Variants in NF1 observed in about 807,000 individuals in gnomAD.
NF1 encodes the protein neurofibromin.
A neutral mutation model predicts 325.7 loss-of-function variants in NF1; 122 were observed. That is an observed-to-expected ratio of 0.37 (90% CI 0.32 to 0.44). NF1 has a LOEUF of 0.44. Among genes scored for constraint, NF1 ranks in the 20% least tolerant of loss-of-function variants. The pLI is 1.00. For synonymous variants in NF1, 1,091 were observed against 1,186.0 expected (o/e 0.92, Z 1.65); for missense variants, 2,140 against 3,415.4 (o/e 0.63, Z 9.31).
Position 31,206,368 on chromosome 17 carries a change from A to G in NF1, c.1389A>G (p.Ala463=), listed in dbSNP as rs1131923. The G allele has an allele frequency of 1.9e-6, 3 of 1,613,644 alleles. No homozygotes were observed. The highest frequency in any genetic ancestry group is 3.3e-5 in the Admixed American group (2 of 60,014). Residue 463 remains alanine (A), a synonymous_variant, in exon 12 of 58, where the codon GCA becomes GCG. Coordinates refer to ENST00000358273, the MANE Select transcript of NF1 (RefSeq NM_001042492.3). The stretch of plus-strand genomic sequence containing the variant: ...GAGCACACCCAGCAATACGAATGGC[A>G]CCGGTAAGATAAATCACGAATTTTG... ...GCGAHPAIRM[A]PSLTFKEKVT...
intron 36 of NF1, among the ~76,000 whole-genome samples, chr17:31,283,467 T>C (rs1417435925): frequency 6.6e-6 from 1 of 151,694 alleles, no homozygotes; most frequent in Non-Finnish European, 1.5e-5. Context: ...TGTTTTTGTT[T>C]TTTTGGGACA....
At chr17:31,294,691 A>G in intron 36 of NF1, 2 of 377,088 alleles carry the variant, frequency 5.3e-6, no homozygotes, top group South Asian at 4.9e-5. Context: ...GACAGTGTAA[A>G]CATACATAAA....
intron 8 of NF1, among the ~76,000 whole-genome samples, chr17:31,195,043 A>G (rs1462053283): frequency 6.6e-6 from 1 of 152,176 alleles, no homozygotes; most frequent in African/African-American, 2.4e-5. Context: ...AATTTAAATA[A>G]TAGAAATTAT....
At position 31,156,840 on chromosome 17, in the gene NF1, C is replaced by T. The variant is rs17882423; in HGVS notation, c.204+714C>T. 9.4e-3 allele frequency among the ~76,000 whole-genome samples: 1,436 copies of T among 152,238 alleles called. 23 individuals are homozygous for T. Among genetic ancestry groups the T allele is most frequent in the African/African-American group, 0.033 (1,352 of 41,510 alleles). Reference sequence around the variant, plus strand: ...TTTTGTCTTTCTCAAGTGATCCCTTCCTCTCTCTAAATTCCTATTTAACAT... The same window carrying T: ...TTTTGTCTTTCTCAAGTGATCCCTTTCTCTCTCTAAATTCCTATTTAACAT... On this transcript the variant is annotated intron_variant, in intron 2 of 57. Transcript: ENST00000358273.
At chr17:31,107,027 T>A (rs1912918177) in intron 1 of NF1, among the ~76,000 whole-genome samples, 1 of 152,186 alleles carries the variant, frequency 6.6e-6, no homozygotes, top group African/African-American at 2.4e-5. Flanking sequence ...GATTCCTGGA[T>A]GTGGTTTTTT....
intron 23 of NF1, 134 bp downstream of exon 23, chr17:31,230,516 T>C: frequency 9.1e-7 from 1 of 1,103,518 alleles, no homozygotes; most frequent in Non-Finnish European, 1.3e-6. Context: ...TTTGTTTTTC[T>C]CTACATCTCT....
chr17:31,265,947 A>G (rs181652771), intron 36 of NF1, among the ~76,000 whole-genome samples: 13 of 152,078 alleles, frequency 8.5e-5, no homozygotes, highest in Non-Finnish European at 2.9e-5. Context: ...TTTCCCTACC[A>G]TTGTCTTTTC....
chr17:31,212,751 T>A (rs1295956094), intron 12 of NF1, among the ~76,000 whole-genome samples: 1 of 152,158 alleles, frequency 6.6e-6, no homozygotes, highest in Non-Finnish European at 1.5e-5. Context: ...CAGTAACAGT[T>A]ATTTATTCTC....
Position 31,229,179 on chromosome 17 carries a change from G to C in NF1, c.2564G>C (p.Arg855Thr), listed in dbSNP as rs786203716. 6.2e-7 allele frequency: 1 copy of C among 1,611,838 alleles called. No homozygotes were observed. Among genetic ancestry groups the C allele is most frequent in the Non-Finnish European group, 8.5e-7 (1 of 1,179,828 alleles). Residue 855 changes from arginine to threonine, a missense_variant, in exon 21 of 58, where the codon AGA becomes ACA. Transcript: ENST00000358273. ...CTTGGGGGAGTGTGCCTCCAGCAGA[G>C]AAGCAATTCTGGCCTGGCAACCTAT... Reference protein sequence around the residue: ...CALGGVCLQQRSNSGLATYSP... With the variant: ...CALGGVCLQQTSNSGLATYSP...
At chr17:31,329,769 A>G (rs1224806204) in intron 38 of NF1, among the ~76,000 whole-genome samples, 1 of 152,158 alleles carries the variant, frequency 6.6e-6, no homozygotes, top group Non-Finnish European at 1.5e-5. Flanking sequence ...TTGTAGGGTA[A>G]CTTTTAGGAC....
intron 1 of NF1, among the ~76,000 whole-genome samples, chr17:31,140,664 G>GTT (rs1916144633): frequency 6.6e-6 from 1 of 152,178 alleles, no homozygotes; most frequent in Admixed American, 6.5e-5. Flanking sequence ...TCATTGCAGT[G>GTT]TTATTTACAA....
chr17:31,355,970 G>A (rs1458158167), intron 51 of NF1: 1 of 156,692 alleles, frequency 6.4e-6, no homozygotes, highest in Non-Finnish European at 1.4e-5. Context: ...AGTATTTTCA[G>A]GCATGCATAT....
chr17:31,304,155 G>C, intron 36 of NF1: 1 of 1,156,772 alleles, frequency 8.6e-7, no homozygotes, highest in South Asian at 1.6e-5. Context: ...GATAGTTCCT[G>C]AATAAAAATC....
intron 3 of NF1, among the ~76,000 whole-genome samples, chr17:31,159,922 C>G (rs1467895326): frequency 6.6e-6 from 1 of 151,874 alleles, no homozygotes; most frequent in Non-Finnish European, 1.5e-5. Flanking sequence ...TTGCAGTTCT[C>G]TATAGTGAAA....
intron 1 of NF1, among the ~76,000 whole-genome samples, chr17:31,125,683 C>G (rs769478839): frequency 4.0e-5 from 6 of 151,862 alleles, no homozygotes; most frequent in Non-Finnish European, 8.8e-5. Context: ...ATTACAGGAG[C>G]GAGCACCATG....
At chr17:31,292,723 ACT>A (rs2068366545) in intron 36 of NF1, among the ~76,000 whole-genome samples, 1 of 152,140 alleles carries the variant, frequency 6.6e-6, no homozygotes, top group African/African-American at 2.4e-5. Context: ...ACCAAGTTTG[ACT>A]CTGCATTTTG....
intron 15 of NF1, chr17:31,222,161 CTAACA>C: frequency 1.6e-6 from 2 of 1,250,482 alleles, no homozygotes; most frequent in Non-Finnish European, 2.0e-6. Context: ...TTTTGTCACC[CTAACA>C]TAAGTACTGT....
At chr17:31,184,742 C>T (rs2143799139) in intron 8 of NF1, among the ~76,000 whole-genome samples, 1 of 152,196 alleles carries the variant, frequency 6.6e-6, no homozygotes, top group South Asian at 2.1e-4. Flanking sequence ...GATACTGAGC[C>T]TCAAATCTGC....
chr17:31,329,067 G>A (rs940819034), intron 38 of NF1, among the ~76,000 whole-genome samples: 6 of 152,084 alleles, frequency 3.9e-5, no homozygotes, highest in Admixed American at 2.0e-4. Flanking sequence ...AGGCTGAGGC[G>A]GGAGGACAGC....
Sources: allele counts gnomAD v4.1 joint callset (sites outside exome capture counted in the v4.1 genomes callset), GRCh38; gene constraint gnomAD v4.1.1; transcripts MANE v1.5; gene names NCBI Gene and HGNC (gene_info 2026-07-23, HGNC 2026-07-21).